Variants in RARS2 observed in about 807,000 individuals in gnomAD.
RARS2 encodes probable arginine--tRNA ligase, mitochondrial.
In RARS2, 67 loss-of-function variants were observed where a neutral mutation model predicts 88.5. The ratio of observed to expected loss-of-function variants is 0.76; its 90% confidence interval spans 0.62 to 0.93. RARS2 has a LOEUF of 0.93. Ranked by LOEUF, RARS2 falls within the 40% of genes least tolerant of loss-of-function variation. The pLI, the probability that RARS2 is intolerant of heterozygous loss-of-function variation, is 0.00. For missense variants in RARS2, 664 were observed against 684.2 expected (o/e 0.97, Z 0.33); for synonymous variants, 239 against 230.3 (o/e 1.04, Z -0.34).
intron 5 of RARS2, among the ~76,000 whole-genome samples, chr6:87,551,350 G>T (rs1718711772): frequency 2.0e-5 from 3 of 151,986 alleles, no homozygotes; most frequent in Admixed American, 2.0e-4. Flanking sequence ...TCTTGGCCGG[G>T]CATGGTCGCT....
At chr6:87,581,489 T>C (rs185113279) in intron 1 of RARS2, among the ~76,000 whole-genome samples, 1,571 of 152,166 alleles carry the variant, frequency 0.01, 11 homozygotes, top group Non-Finnish European at 0.014. Flanking sequence ...TGCATTAGTT[T>C]CAAGACACAA....
chr6:87,581,517 T>A (rs578021093), intron 1 of RARS2, among the ~76,000 whole-genome samples: 40 of 152,216 alleles, frequency 2.6e-4, no homozygotes, highest in African/African-American at 9.4e-4. Flanking sequence ...GCAAACAAAG[T>A]AAGAATTAAA....
At chr6:87,517,477 T>G (rs1166577874) in intron 17 of RARS2, among the ~76,000 whole-genome samples, 2 of 152,106 alleles carry the variant, frequency 1.3e-5, no homozygotes, top group Non-Finnish European at 1.5e-5. Flanking sequence ...GAATATAAAA[T>G]ATAAATTAGC....
Position 87,516,918 on chromosome 6 carries a change from TAC to T in RARS2, c.1512-40_1512-39del, listed in dbSNP as rs747771587. Reference sequence around the variant, plus strand: ...AGGAACAGTGAACAGGAAAAGACTGTACACATTACACTAAGACATTAGACATT... The same window carrying T: ...AGGAACAGTGAACAGGAAAAGACTGTACATTACACTAAGACATTAGACATT... On this transcript the variant is annotated intron_variant, in intron 17 of 19. Coordinates refer to ENST00000369536, the MANE Select transcript of RARS2 (RefSeq NM_020320.5). 68 of 1,611,888 alleles carry T rather than the reference TAC, an allele frequency of 4.2e-5. No individual in the cohort carries two copies. In the South Asian group the frequency reaches 7.3e-4, roughly 17 times the overall value.
intron 8 of RARS2, among the ~76,000 whole-genome samples, chr6:87,538,011 A>G (rs1779728844): frequency 6.6e-6 from 1 of 152,240 alleles, no homozygotes; most frequent in Non-Finnish European, 1.5e-5. Context: ...ACAGAATAAC[A>G]TCAACATTTG....
intron 2 of RARS2, among the ~76,000 whole-genome samples, chr6:87,568,395 G>C (rs1582764853): frequency 6.6e-6 from 1 of 152,200 alleles, no homozygotes. Context: ...AGCTACTCTG[G>C]AGGCTGAGGT....
chr6:87,534,293 CCTT>C lies in RARS2; in HGVS notation c.613-3354_613-3352del, dbSNP rs547096606. Among the ~76,000 whole-genome samples, 24 of 152,242 alleles carry C rather than the reference CCTT, an allele frequency of 1.6e-4. No homozygotes were observed. The South Asian group carries it at 3.7e-3, about 24-fold the overall frequency. On this transcript the variant is annotated intron_variant, in intron 8 of 19. Coordinates refer to ENST00000369536, the MANE Select transcript of RARS2 (RefSeq NM_020320.5). The stretch of plus-strand genomic sequence containing the variant: ...TTTCATGAGTTATCAAATTTCTCCT[CCTT>C]AATACATTAGTAGTAGGATATAAAC...
intron 1 of RARS2, among the ~76,000 whole-genome samples, chr6:87,585,872 T>A (rs1775002886): frequency 1.3e-5 from 2 of 151,028 alleles, no homozygotes; most frequent in Admixed American, 6.6e-5. Flanking sequence ...GCATAAAGAG[T>A]GATAGTATAA....
intron 8 of RARS2, among the ~76,000 whole-genome samples, chr6:87,535,183 G>A (rs1265754213): frequency 6.6e-6 from 1 of 152,056 alleles, no homozygotes; most frequent in East Asian, 1.9e-4. Flanking sequence ...ACATTCCCTG[G>A]AAAAAGAAAT....
At chr6:87,535,361 A>G (rs1778792262) in intron 8 of RARS2, among the ~76,000 whole-genome samples, 1 of 152,218 alleles carries the variant, frequency 6.6e-6, no homozygotes, top group Non-Finnish European at 1.5e-5. Context: ...TGAGGAATAG[A>G]TACTAATTCC....
rs115366185 is a variant in RARS2 at position 87,543,976 on chromosome 6, G to A, written c.535+1640C>T. 9.2e-3 allele frequency among the ~76,000 whole-genome samples: 1,406 copies of A among 152,250 alleles called. 22 individuals carry two copies. Among genetic ancestry groups the A allele is most frequent in the African/African-American group, 0.031 (1,307 of 41,558 alleles). On this transcript the variant is annotated intron_variant, in intron 7 of 19. Coordinates refer to ENST00000369536, the MANE Select transcript of RARS2 (RefSeq NM_020320.5). Reference sequence around the variant, plus strand: ...ATACATTTTCAAAAACTAATTCTGTGCTTAGAAACTGCCAACTTTCAAATG... The same window carrying A: ...ATACATTTTCAAAAACTAATTCTGTACTTAGAAACTGCCAACTTTCAAATG...
intron 7 of RARS2, 68 bp from the exon 8 acceptor site, chr6:87,542,062 A>C: frequency 8.1e-7 from 1 of 1,239,354 alleles, no homozygotes; most frequent in Non-Finnish European, 1.2e-6. Flanking sequence ...GACAGGGAAT[A>C]GGTATAATTC....
intron 17 of RARS2, among the ~76,000 whole-genome samples, chr6:87,517,738 T>C (rs902344909): frequency 6.6e-6 from 1 of 152,184 alleles, no homozygotes; most frequent in Non-Finnish European, 1.5e-5. Context: ...GAGCATCACA[T>C]ACATATATGT....
intron 8 of RARS2, among the ~76,000 whole-genome samples, chr6:87,534,428 T>C (rs1778517575): frequency 6.6e-6 from 1 of 152,250 alleles, no homozygotes. Flanking sequence ...TCAGGGATGA[T>C]AATTATTAAC....
At chr6:87,521,858 T>G (rs1172637305) in intron 11 of RARS2, among the ~76,000 whole-genome samples, 16 of 152,222 alleles carry the variant, frequency 1.1e-4, no homozygotes, top group Non-Finnish European at 1.5e-5. Context: ...GTTTTATGAT[T>G]AAGTCTCTAC....
chr6:87,583,278 A>C (rs1043081474), intron 1 of RARS2, among the ~76,000 whole-genome samples: 2 of 152,200 alleles, frequency 1.3e-5, no homozygotes, highest in African/African-American at 2.4e-5. Flanking sequence ...TTCAAAATTA[A>C]AAGTATACAA....
intron 2 of RARS2, among the ~76,000 whole-genome samples, chr6:87,568,282 G>A (rs773894055): frequency 1.3e-5 from 2 of 152,204 alleles, no homozygotes; most frequent in African/African-American, 2.4e-5. Flanking sequence ...GGGACTGCCT[G>A]AGCTCAGGAG....
intron 5 of RARS2, among the ~76,000 whole-genome samples, chr6:87,549,769 T>C (rs1783780649): frequency 6.6e-6 from 1 of 152,196 alleles, no homozygotes; most frequent in Non-Finnish European, 1.5e-5. Flanking sequence ...CATTTAATAC[T>C]CATATGTGCT....
chr6:87,581,800 T>C lies in RARS2; in HGVS notation c.36+8122A>G, dbSNP rs1773555354. The stretch of plus-strand genomic sequence containing the variant: ...CTGGTGTGTGTTCTTCCCCTCCCCA[T>C]GGCCATGTGTTCTCATTGTTCAGCT... On this transcript the variant is annotated intron_variant, in intron 1 of 19. Coordinates refer to ENST00000369536, the MANE Select transcript of RARS2 (RefSeq NM_020320.5). Among the ~76,000 whole-genome samples, 4 of 152,242 alleles carry C rather than the reference T, an allele frequency of 2.6e-5. No homozygotes were observed. In the South Asian group the frequency reaches 8.3e-4, roughly 32 times the overall value.
Sources: allele counts gnomAD v4.1 joint callset (sites outside exome capture counted in the v4.1 genomes callset), GRCh38; gene constraint gnomAD v4.1.1; transcripts MANE v1.5; gene names NCBI Gene and HGNC (gene_info 2026-07-23, HGNC 2026-07-21).